CSMD1: variants seen among roughly 807,000 people sequenced by gnomAD.
CSMD1 encodes CUB and Sushi multiple domains 1.
CSMD1 carries 213 observed loss-of-function variants against 417.5 expected under a neutral mutation model. That is an observed-to-expected ratio of 0.51 (90% CI 0.46 to 0.57). CSMD1 has a LOEUF of 0.57. Ranked by LOEUF, CSMD1 falls within the 20% of genes least tolerant of loss-of-function variation. The probability of loss-of-function intolerance (pLI) is 0.00; values close to 1 mark genes in which losing one functional copy is unlikely to be tolerated. For synonymous variants in CSMD1, 2,862 were observed against 1,736.8 expected (o/e 1.65, Z -16.11); for missense variants, 6,923 against 4,529.7 (o/e 1.53, Z -15.17).
intron 3 of CSMD1, among the ~76,000 whole-genome samples, chr8:4,194,579 C>A (rs1038922452): frequency 6.6e-6 from 1 of 152,040 alleles, no homozygotes; most frequent in Non-Finnish European, 1.5e-5. Flanking sequence ...ACGCCATTTT[C>A]TTTTGTTTCC....
intron 3 of CSMD1, among the ~76,000 whole-genome samples, chr8:4,350,664 G>C (rs572292928): frequency 6.6e-6 from 1 of 152,290 alleles, no homozygotes; most frequent in African/African-American, 2.4e-5. Flanking sequence ...AAATTTACTA[G>C]AACAAAGGTG....
intron 5 of CSMD1, among the ~76,000 whole-genome samples, chr8:3,944,654 T>C (rs962679155): frequency 6.6e-6 from 1 of 152,190 alleles, no homozygotes; most frequent in African/African-American, 2.4e-5. Flanking sequence ...GGTGGATTCA[T>C]TTTTGGGGAA....
intron 3 of CSMD1, among the ~76,000 whole-genome samples, chr8:4,191,304 G>A (rs551682490): frequency 6.6e-6 from 1 of 152,126 alleles, no homozygotes; most frequent in Non-Finnish European, 1.5e-5. Flanking sequence ...GCTGAGGCAG[G>A]AGAATGGCGT....
At chr8:3,446,393 G>A (rs1255585078) in intron 12 of CSMD1, among the ~76,000 whole-genome samples, 1 of 152,166 alleles carries the variant, frequency 6.6e-6, no homozygotes, top group Non-Finnish European at 1.5e-5. Context: ...TTCAACTGAG[G>A]ATCTGTCCTC....
chr8:3,061,082 T>G lies in CSMD1; in HGVS notation c.7475-8435A>C, dbSNP rs1251129949. 3.9e-5 allele frequency among the ~76,000 whole-genome samples: 6 copies of G among 152,352 alleles called. No individual in the cohort carries two copies. The East Asian group carries it at 1.2e-3, about 29-fold the overall frequency. The stretch of plus-strand genomic sequence containing the variant: ...AATATGTTATAGAAACAGAATAGGA[T>G]GCTTGAAAGAACATAGATTTAGACA... On this transcript the variant is annotated intron_variant, in intron 49 of 69. Coordinates refer to ENST00000635120, the MANE Select transcript of CSMD1 (RefSeq NM_033225.6).
chr8:3,819,533 TACACACACAC>T (rs10566509), intron 5 of CSMD1, among the ~76,000 whole-genome samples: 1 of 82,346 alleles, frequency 1.2e-5, no homozygotes, highest in South Asian at 3.2e-4. Context: ...AGGTGATTTC[TACACACACAC>T]ACACACACAC....
At position 4,810,993 on chromosome 8, in the gene CSMD1, A is replaced by C. The variant is rs139447383; in HGVS notation, c.86-173435T>G. Among the ~76,000 whole-genome samples the C allele has an allele frequency of 1.9e-3, 296 of 152,336 alleles. 2 individuals are homozygous for C. The highest frequency in any genetic ancestry group is 0.014 in the Middle Eastern group (4 of 294). On this transcript the variant is annotated intron_variant, in intron 1 of 69. Transcript: ENST00000635120. ...AAGAAAGTAAAGAGATATTTGTTGT[A>C]AGAGTTTCATTTTCTGTACTATTCC...
chr8:4,759,189 T>C (rs1366602451), intron 1 of CSMD1, among the ~76,000 whole-genome samples: 1 of 152,162 alleles, frequency 6.6e-6, no homozygotes, highest in Non-Finnish European at 1.5e-5. Flanking sequence ...TTGTTAGTGT[T>C]GTCTTGACTT....
intron 2 of CSMD1, among the ~76,000 whole-genome samples, chr8:4,494,326 GC>G (rs1239644919): frequency 6.6e-6 from 1 of 152,110 alleles, no homozygotes. Context: ...TATTTTCATG[GC>G]CATGGTAAAT....
chr8:4,662,965 T>G (rs1804693722), intron 1 of CSMD1, among the ~76,000 whole-genome samples: 1 of 152,208 alleles, frequency 6.6e-6, no homozygotes, highest in African/African-American at 2.4e-5. Flanking sequence ...GGAATGTTCT[T>G]CAACATGATT....
chr8:4,091,701 C>G (rs936875913), intron 3 of CSMD1, among the ~76,000 whole-genome samples: 6 of 152,160 alleles, frequency 3.9e-5, no homozygotes, highest in African/African-American at 1.2e-4. Context: ...CTTAGGAAAG[C>G]TGATAAAGGC....
chr8:4,487,934 T>C (rs919259570), intron 2 of CSMD1, among the ~76,000 whole-genome samples: 3 of 152,198 alleles, frequency 2.0e-5, no homozygotes, highest in East Asian at 1.9e-4. Flanking sequence ...AAACCCTGTG[T>C]CGTAGACTGA....
intron 2 of CSMD1, among the ~76,000 whole-genome samples, chr8:4,560,502 C>G (rs898154847): frequency 2.6e-5 from 4 of 152,202 alleles, no homozygotes; most frequent in African/African-American, 7.2e-5. Flanking sequence ...CCTCTGACAC[C>G]CAAACTTTAA....
At chr8:4,554,716 A>C (rs1287616934) in intron 2 of CSMD1, among the ~76,000 whole-genome samples, 1 of 152,190 alleles carries the variant, frequency 6.6e-6, no homozygotes, top group East Asian at 1.9e-4. Context: ...TAGGTTTGCA[A>C]GTTTTACTAT....
At position 4,251,231 on chromosome 8, in the gene CSMD1, A is replaced by G. The variant is rs150574650; in HGVS notation, c.415+168722T>C. Among the ~76,000 whole-genome samples, 255 of 152,270 alleles carry G rather than the reference A, an allele frequency of 1.7e-3. 2 individuals carry two copies. Among genetic ancestry groups the G allele is most frequent in the Admixed American group, 8.1e-3 (124 of 15,306 alleles). On this transcript the variant is annotated intron_variant, in intron 3 of 69. Transcript: ENST00000635120. ...AATAAAACCTATAACAGCTAACAAT[A>G]TATGTTTCCCTCACCAATCACATGG... is the stretch of plus-strand genomic sequence containing the variant.
At chr8:3,777,121 TACACAC>T (rs3028584) in intron 5 of CSMD1, among the ~76,000 whole-genome samples, 56,440 of 146,360 alleles carry the variant, frequency 0.39, 11,209 homozygotes, top group South Asian at 0.44. Context: ...TATCTATACC[TACACAC>T]ACACACACAC....
At chr8:3,644,022 A>G (rs909114354) in intron 7 of CSMD1, among the ~76,000 whole-genome samples, 1 of 152,212 alleles carries the variant, frequency 6.6e-6, no homozygotes, top group Admixed American at 6.5e-5. Flanking sequence ...ACAACTGGAA[A>G]CAAACATTTG....
intron 3 of CSMD1, among the ~76,000 whole-genome samples, chr8:4,227,684 T>C (rs1630897): frequency 3.3e-5 from 5 of 151,282 alleles, no homozygotes; most frequent in East Asian, 3.9e-4. Context: ...GCCTCCATCC[T>C]ACATTAAACC....
rs147399905 is a variant in CSMD1 at position 3,491,279 on chromosome 8, G to C, written c.1448+2344C>G. ...GGAATCCCTGCCTCAATGTACACTA[G>C]GTTTGTGAACTGGGGTAAATCCTTT... On this transcript the variant is annotated intron_variant, in intron 11 of 69. Coordinates refer to ENST00000635120, the MANE Select transcript of CSMD1 (RefSeq NM_033225.6). 3.6e-3 allele frequency among the ~76,000 whole-genome samples: 550 copies of C among 152,226 alleles called. 6 individuals are homozygous for C. Among genetic ancestry groups the C allele is most frequent in the Non-Finnish European group, 3.9e-3 (264 of 68,020 alleles).
Sources: gnomAD v4.1 joint callset for allele counts (sites outside exome capture counted in the v4.1 genomes callset) on GRCh38, gnomAD v4.1.1 for gene constraint, MANE v1.5 for transcripts, NCBI Gene and HGNC (gene_info 2026-07-23, HGNC 2026-07-21) for gene names.